RNF213: variants seen among roughly 807,000 people sequenced by gnomAD.
The protein encoded by RNF213 is E3 ubiquitin-protein ligase RNF213.
RNF213 carries 341 observed loss-of-function variants against 514.4 expected under a neutral mutation model. That is an observed-to-expected ratio of 0.66 (90% CI 0.61 to 0.73). The LOEUF is 0.73. RNF213 is among the 30% of genes least tolerant of loss of function. The pLI, the probability that RNF213 is intolerant of heterozygous loss-of-function variation, is 0.00. For synonymous variants in RNF213, 2,655 were observed against 2,658.2 expected, an observed-to-expected ratio of 1.00 and a Z score of 0.04; for missense variants, 5,767 against 6,615.6, an observed-to-expected ratio of 0.87 and a Z score of 4.45.
intron 18 of RNF213, 24 bp from the exon 19 acceptor site, chr17:80,327,792 T>C (rs762385225): frequency 4.6e-6 from 7 of 1,527,394 alleles, no homozygotes; most frequent in Non-Finnish European, 4.4e-6. Flanking sequence ...CCCACTGTGT[T>C]AACTGTGTTC....
intron 37 of RNF213, 48 bp from the exon 38 acceptor site, chr17:80,360,013 A>G: frequency 6.2e-7 from 1 of 1,601,250 alleles, no homozygotes; most frequent in Non-Finnish European, 8.6e-7. Context: ...TTGTGTTTTG[A>G]GTGACGTCTC....
At position 80,288,111 on chromosome 17, in the gene RNF213, A is replaced by G. The variant is rs1403090532; in HGVS notation, c.558A>G (p.Thr186=). The G allele has an allele frequency of 1.9e-6, 3 of 1,607,976 alleles. No individual in the cohort carries two copies. Among genetic ancestry groups the G allele is most frequent in the East Asian group, 4.5e-5 (2 of 44,708 alleles). The part of the protein sequence containing the change: ...AQALGEAGVA[T]GSEAQSSPQF... The stretch of plus-strand genomic sequence containing the variant: ...CTTTGGGAGAGGCAGGAGTGGCCAC[A>G]GGAAGTGAGGCTCAGAGCAGCCCGC... Residue 186 remains threonine, a synonymous_variant, in exon 4 of 68, where the codon ACA becomes ACG. Transcript: ENST00000582970. The surrounding 1 kb of genome is among the most constrained non-coding windows in gnomAD (Gnocchi z 4.9).
chr17:80,306,865 AAAAG>A (rs956457594), intron 12 of RNF213, among the ~76,000 whole-genome samples: 2 of 152,038 alleles, frequency 1.3e-5, no homozygotes, highest in African/African-American at 4.8e-5. Context: ...AAAAAAAAAA[AAAAG>A]AAGGCGTCTC....
rs535839301 is a variant in RNF213 at position 80,264,742 on chromosome 17, G to A, written c.97+964G>A. 5.3e-5 allele frequency among the ~76,000 whole-genome samples: 8 copies of A among 151,866 alleles called. No homozygotes were observed. Among genetic ancestry groups the A allele is most frequent in the East Asian group, 1.9e-4 (1 of 5,154 alleles). On this transcript the variant is annotated intron_variant, in intron 2 of 67. Coordinates refer to ENST00000582970, the MANE Select transcript of RNF213 (RefSeq NM_001256071.3). This position sits in a 1 kb window ranked among gnomAD's most constrained non-coding sequence, Gnocchi z 5.0. ...AACCACAGACCCCCTTACAAGATCC[G>A]CCCCTGCCCCCGCTGTAACTCAGGA...
intron 8 of RNF213, among the ~76,000 whole-genome samples, chr17:80,292,333 G>A (rs1433104065): frequency 6.6e-6 from 1 of 152,140 alleles, no homozygotes; most frequent in African/African-American, 2.4e-5. Flanking sequence ...CTCCCGAAGT[G>A]TTGGGATTAC....
chr17:80,275,626 T>G (rs955235845), intron 3 of RNF213, among the ~76,000 whole-genome samples: 35 of 152,210 alleles, frequency 2.3e-4, no homozygotes, highest in Non-Finnish European at 1.0e-4. Context: ...TCAGGGCCAG[T>G]CTACAGAGAC....
Position 80,334,094 on chromosome 17 carries a change from T to C in RNF213, c.4144-11T>C. 1 of 1,537,092 alleles carries C rather than the reference T, an allele frequency of 6.5e-7. No individual in the cohort carries two copies. Among genetic ancestry groups the C allele is most frequent in the Non-Finnish European group, 8.7e-7 (1 of 1,146,856 alleles). The stretch of plus-strand genomic sequence containing the variant: ...ATGAGTTCCAGTCCACAGTAGAGCT[T>C]TTTCTTGCAGACTGATAACTTCGAC... On this transcript the variant is annotated splice_polypyrimidine_tract_variant and intron_variant, in intron 21 of 67. Transcript: ENST00000582970.
chr17:80,390,509 G>C (rs953420888), intron 67 of RNF213, among the ~76,000 whole-genome samples: 4 of 151,862 alleles, frequency 2.6e-5, no homozygotes, highest in African/African-American at 9.7e-5. Context: ...CGAGTCTCAT[G>C]CCTCAGCTTC....
At position 80,376,302 on chromosome 17, in the gene RNF213, A is replaced by C. The variant is rs1439608736; in HGVS notation, c.13187A>C (p.Gln4396Pro). 1 of 1,614,176 alleles carries C rather than the reference A, an allele frequency of 6.2e-7. No individual in the cohort carries two copies. The highest frequency in any genetic ancestry group is 8.5e-7 in the Non-Finnish European group (1 of 1,180,024). ...HNASLHPTPE[Q>P]CEAVSKFIGE... ...AATGTTAAGTTTTTTTCCTGTCAGC[A>C]ATGTGAAGCTGTGAGCAAATTCATT... The change falls in exon 52 of 68, where the codon CAA becomes CCA. Residue 4396 changes from glutamine (Q) to proline (P), a missense_variant and splice_region_variant. Gln to Pro is a moderately conservative substitution (Grantham distance 76). Around this residue, in one of 13 missense-constraint regions of RNF213, gnomAD observed 1,245 missense variants for 1,339.0 expected, o/e 0.93. Coordinates refer to ENST00000582970, the MANE Select transcript of RNF213 (RefSeq NM_001256071.3).
In RNF213 at chr17:80,312,815, C is replaced by G. The variant is rs545407550; in HGVS notation, c.2656-197C>G. Among the ~76,000 whole-genome samples the G allele has an allele frequency of 2.6e-5, 4 of 152,204 alleles. No homozygotes were observed. The South Asian group carries it at 8.3e-4, about 31-fold the overall frequency. ...TCTTTTCTCCCGTATCTCCCACGTTCAGGGTGAACCCAGAAAACCCTGGGG... is the reference window on the plus strand; with the variant it reads ...TCTTTTCTCCCGTATCTCCCACGTTGAGGGTGAACCCAGAAAACCCTGGGG... On this transcript the variant is annotated intron_variant, in intron 14 of 67. Coordinates refer to ENST00000582970, the MANE Select transcript of RNF213 (RefSeq NM_001256071.3).
At chr17:80,320,375 A>T (rs6565667) in intron 17 of RNF213, 1 of 152,002 alleles carries the variant, frequency 6.6e-6, no homozygotes, top group Non-Finnish European at 1.5e-5. Context: ...TTTTTGAGAC[A>T]GAGTTTCACT....
At chr17:80,300,649 G>C (rs974253036) in intron 11 of RNF213, among the ~76,000 whole-genome samples, 1 of 151,950 alleles carries the variant, frequency 6.6e-6, no homozygotes, top group Non-Finnish European at 1.5e-5. Flanking sequence ...TGCCTCCCAG[G>C]TTCAAGTGAT....
chr17:80,384,048 T>G, intron 59 of RNF213, 120 bp downstream of exon 59: 1 of 1,260,862 alleles, frequency 7.9e-7, no homozygotes, highest in Non-Finnish European at 1.2e-6. Flanking sequence ...GTGCTTTGGT[T>G]TTGAATAGGA....
rs1419400497 is a variant in RNF213, at chr17:80,263,519, T to C, written c.-108-55T>C. ...GGGCTGGGCTTGGGCTGTGCTCCTG[T>C]TGGGTTTCCATTAACCAGGGGACCA... On this transcript the variant is annotated intron_variant, in intron 1 of 67. Transcript: ENST00000582970. The surrounding 1 kb of genome is among the most constrained non-coding windows in gnomAD (Gnocchi z 4.9). The C allele has an allele frequency of 5.9e-6, 4 of 679,868 alleles. No homozygotes were observed. Among genetic ancestry groups the C allele is most frequent in the East Asian group, 2.7e-5 (1 of 36,480 alleles). 42.1% of individuals were successfully genotyped at this position (679,868 alleles called of 1,614,324 possible).
Position 80,288,862 on chromosome 17 carries a change from A to C in RNF213, c.933+107A>C. On this transcript the variant is annotated intron_variant, in intron 5 of 67. Coordinates refer to ENST00000582970, the MANE Select transcript of RNF213 (RefSeq NM_001256071.3). This position sits in a 1 kb window ranked among gnomAD's most constrained non-coding sequence, Gnocchi z 4.9. ...ATATTTAAGTGCTGGGGATATAGCC[A>C]TGATTCAGACAAAGCTCTGGCCTTC... The C allele has an allele frequency of 6.3e-7, 1 of 1,580,134 alleles. No homozygotes were observed. The highest frequency in any genetic ancestry group is 8.6e-7 in the Non-Finnish European group (1 of 1,156,830).
chr17:80,361,877 G>A lies in RNF213; in HGVS notation c.11344G>A (p.Glu3782Lys), dbSNP rs200875331. ...CTTGACCATGCGTGTGTCAACGGAGGAGGAATTAAAGGTAGATGTTTAGAT... is the reference window on the plus strand; with the variant it reads ...CTTGACCATGCGTGTGTCAACGGAGAAGGAATTAAAGGTAGATGTTTAGAT... ...ILLTMRVSTE[E>K]ELKFLQMALW... Residue 3782 changes from glutamate (E) to lysine (K), a missense_variant, in exon 39 of 68, where the codon GAG becomes AAG. Transcript: ENST00000582970. The A allele has an allele frequency of 1.2e-5, 19 of 1,612,754 alleles. No homozygotes were observed. The highest frequency in any genetic ancestry group is 3.3e-4 in the Middle Eastern group (2 of 6,076).
At position 80,347,842 on chromosome 17, in the gene RNF213, G is replaced by A; in HGVS notation, c.9507G>A (p.Leu3169=). The change falls in exon 29 of 68, where the codon CTG becomes CTA. Residue 3169 remains leucine (L), a synonymous_variant. Coordinates refer to ENST00000582970, the MANE Select transcript of RNF213 (RefSeq NM_001256071.3). This position sits in a 1 kb window ranked among gnomAD's most constrained non-coding sequence, Gnocchi z 7.2. ...KHFPIPLINR[L]EKHYLDINTV... ...TTCCCATCCCCCTCATTAACCGGCT[G>A]GAGAAGCACTATCTGGATATCAACA... The A allele has an allele frequency of 6.2e-7, 1 of 1,614,172 alleles. No homozygotes were observed. Among genetic ancestry groups the A allele is most frequent in the Non-Finnish European group, 8.5e-7 (1 of 1,180,030 alleles).
rs1163728640 is a variant in RNF213 at position 80,309,098 on chromosome 17, T to C, written c.2582T>C (p.Leu861Pro). Residue 861 changes from leucine (L) to proline (P), a missense_variant, in exon 14 of 68, where the codon CTA becomes CCA. Physicochemically the swap from Leu to Pro is moderately conservative, Grantham distance 98. Transcript: ENST00000582970. The part of the protein sequence containing the change: ...LHEAICSSTK[L>P]LKFYELPALS... ...GAAGCCATCTGCAGCAGCACAAAGC[T>C]ACTTAAGTTTTACGAGCTGCCAGCC... 6.2e-7 allele frequency: 1 copy of C among 1,614,252 alleles called. No individual in the cohort carries two copies. Among genetic ancestry groups the C allele is most frequent in the South Asian group, 1.1e-5 (1 of 91,090 alleles).
At chr17:80,358,817 G>GA (rs1192183869) in intron 37 of RNF213, among the ~76,000 whole-genome samples, 1 of 152,198 alleles carries the variant, frequency 6.6e-6, no homozygotes, top group Non-Finnish European at 1.5e-5. Context: ...GCTGAGGCAG[G>GA]AGAATTGCTT....
Sources: gnomAD v4.1 joint callset for allele counts (sites outside exome capture counted in the v4.1 genomes callset) on GRCh38, gnomAD v4.1.1 for gene constraint, gnomAD v4.1.1 regional missense constraint, Gnocchi (gnomAD v3.1) non-coding constraint, MANE v1.5 for transcripts, NCBI Gene and HGNC (gene_info 2026-07-23, HGNC 2026-07-21) for gene names.